The following COL25A1 variants were observed in gnomAD, a reference collection of about 807,000 sequenced individuals.
COL25A1 encodes collagen type XXV alpha 1 chain, also known as collagen alpha-1(XXV) chain.
In COL25A1, 103 loss-of-function variants were observed where a neutral mutation model predicts 128.4. The ratio of observed to expected loss-of-function variants is 0.80; its 90% CI spans 0.68 to 0.94. The LOEUF (loss-of-function observed/expected upper bound fraction) is 0.94, where lower values mean the gene tolerates loss of function less well. Among genes scored for constraint, COL25A1 ranks in the 40% least tolerant of loss-of-function variants. The probability of loss-of-function intolerance (pLI) is 0.00; values close to 1 mark genes in which losing one functional copy is unlikely to be tolerated. For synonymous variants in COL25A1, 279 were observed against 277.2 expected, an observed-to-expected ratio of 1.01 and a Z score of -0.06; for missense variants, 745 against 840.0, an observed-to-expected ratio of 0.89 and a Z score of 1.40.
intron 6 of COL25A1, among the ~76,000 whole-genome samples, chr4:108,994,931 A>C (rs904344444): frequency 1.3e-5 from 2 of 152,238 alleles, no homozygotes; most frequent in African/African-American, 2.4e-5. Flanking sequence ...CATCAACAAA[A>C]AGGACATCCA....
At chr4:108,882,723 T>C (rs1056918430) in intron 19 of COL25A1, among the ~76,000 whole-genome samples, 3 of 151,962 alleles carry the variant, frequency 2.0e-5, no homozygotes, top group Admixed American at 6.6e-5. Flanking sequence ...TGTCATAGAG[T>C]GTTACTTTTT....
At chr4:109,041,367 T>C (rs1320799002) in intron 5 of COL25A1, among the ~76,000 whole-genome samples, 2 of 126,228 alleles carry the variant, frequency 1.6e-5, no homozygotes, top group Non-Finnish European at 1.6e-5. Context: ...TGTCACCCCC[T>C]TTTTTAAAAA....
At position 109,117,356 on chromosome 4, in the gene COL25A1, A is replaced by G. The variant is rs185844269; in HGVS notation, c.368-67177T>C. ...TGTAAACGAGAAGAAAGTAGAGGGA[A>G]ATATTTAAAGTGTTGAGGGAAAAAG... On this transcript the variant is annotated intron_variant, in intron 3 of 37. Transcript: ENST00000399132. 2.0e-4 allele frequency among the ~76,000 whole-genome samples: 31 copies of G among 152,152 alleles called. 2 individuals carry two copies. The South Asian group carries it at 4.8e-3, about 23-fold the overall frequency.
intron 3 of COL25A1, among the ~76,000 whole-genome samples, chr4:109,068,336 C>A (rs558875722): frequency 6.6e-6 from 1 of 151,866 alleles, no homozygotes; most frequent in Non-Finnish European, 1.5e-5. Flanking sequence ...GTCTAAGGAC[C>A]TGGTGCACAT....
chr4:108,937,745 A>ACATTC, intron 11 of COL25A1, 63 bp downstream of exon 11: 2 of 1,354,840 alleles, frequency 1.5e-6, no homozygotes, highest in South Asian at 2.5e-5. Context: ...CATCACACAT[A>ACATTC]ATCTTGACCA....
chr4:108,945,928 G>A (rs1159860997), intron 8 of COL25A1, among the ~76,000 whole-genome samples: 1 of 152,160 alleles, frequency 6.6e-6, no homozygotes, highest in African/African-American at 2.4e-5. Flanking sequence ...GCCTCCCAAA[G>A]TGCTGGGATT....
intron 20 of COL25A1, among the ~76,000 whole-genome samples, chr4:108,865,613 A>G (rs1737808082): frequency 6.6e-6 from 1 of 152,200 alleles, no homozygotes; most frequent in African/African-American, 2.4e-5. Flanking sequence ...TTATTAAAAA[A>G]CTGTAAAGTA....
chr4:109,053,712 G>A (rs1194918348), intron 3 of COL25A1, among the ~76,000 whole-genome samples: 1 of 152,070 alleles, frequency 6.6e-6, no homozygotes, highest in South Asian at 2.1e-4. Context: ...TTTTTCACAA[G>A]GATGTTATTT....
rs201929872 is a variant in COL25A1, at chr4:108,913,261, CTT to C, written c.780+4909_780+4910del. On this transcript the variant is annotated intron_variant, in intron 13 of 37. Transcript: ENST00000399132. ...TTTGTGTGGTCTCTGTCTCTAGCTCCTTTTTTTTTTTTTTTTTTTTTTAAGAC... is the reference window on the plus strand; with the variant it reads ...TTTGTGTGGTCTCTGTCTCTAGCTCCTTTTTTTTTTTTTTTTTTTTAAGAC... 1.6e-4 allele frequency among the ~76,000 whole-genome samples: 15 copies of C among 92,408 alleles called. 1 individual carries two copies. The highest frequency in any genetic ancestry group is 7.0e-4 in the South Asian group (1 of 1,438). The allele number at this position is 92,408 out of a possible 152,430, so 60.6% of individuals were successfully genotyped here. A position where few individuals can be genotyped will look rare whatever the true frequency, so the allele number is the denominator to read the frequency against.
chr4:109,177,558 G>A (rs1160011188), intron 3 of COL25A1, among the ~76,000 whole-genome samples: 1 of 152,004 alleles, frequency 6.6e-6, no homozygotes, highest in East Asian at 1.9e-4. Flanking sequence ...AATACAGTGG[G>A]CACCATCTGC....
chr4:108,852,171 A>G, intron 26 of COL25A1, 65 bp downstream of exon 26: 3 of 1,220,090 alleles, frequency 2.5e-6, no homozygotes, highest in Non-Finnish European at 3.6e-6. Context: ...TCAAAGATGC[A>G]TATACTTAAT....
At chr4:109,243,026 C>T (rs1354473955) in intron 3 of COL25A1, among the ~76,000 whole-genome samples, 4 of 152,074 alleles carry the variant, frequency 2.6e-5, no homozygotes, top group African/African-American at 7.2e-5. Context: ...TACATATCTG[C>T]AACTTTATAC....
intron 13 of COL25A1, among the ~76,000 whole-genome samples, chr4:108,907,896 G>A (rs1366362823): frequency 6.6e-6 from 1 of 152,108 alleles, no homozygotes; most frequent in East Asian, 1.9e-4. Flanking sequence ...TGAACTTCCA[G>A]TTCTGACAAA....
At chr4:109,107,678 C>A (rs1201321654) in intron 3 of COL25A1, among the ~76,000 whole-genome samples, 4 of 152,270 alleles carry the variant, frequency 2.6e-5, no homozygotes, top group South Asian at 4.1e-4. Flanking sequence ...GAGATGCCAG[C>A]TCTTATTTAG....
At chr4:109,237,857 C>A (rs1779577472) in intron 3 of COL25A1, among the ~76,000 whole-genome samples, 1 of 151,980 alleles carries the variant, frequency 6.6e-6, no homozygotes, top group Non-Finnish European at 1.5e-5. Context: ...CCCTTGGCAA[C>A]CACTTTGTCT....
intron 3 of COL25A1, among the ~76,000 whole-genome samples, chr4:109,135,708 T>C (rs1485440050): frequency 6.6e-6 from 1 of 152,172 alleles, no homozygotes; most frequent in Non-Finnish European, 1.5e-5. Context: ...ACACATCTAC[T>C]TATTAAGTCA....
At chr4:108,852,800 G>GTA in intron 25 of COL25A1, 102 bp downstream of exon 25, 1 of 831,862 alleles carries the variant, frequency 1.2e-6, no homozygotes, top group Middle Eastern at 2.3e-4. Context: ...ATAAAATTAA[G>GTA]TATCAGATAA....
chr4:108,998,506 G>C (rs751085875), intron 6 of COL25A1, among the ~76,000 whole-genome samples: 1 of 152,146 alleles, frequency 6.6e-6, no homozygotes, highest in African/African-American at 2.4e-5. Flanking sequence ...CTCATGGATA[G>C]GAAGAATCAA....
At chr4:109,128,724 A>G (rs1310487607) in intron 3 of COL25A1, among the ~76,000 whole-genome samples, 1 of 152,184 alleles carries the variant, frequency 6.6e-6, no homozygotes, top group Non-Finnish European at 1.5e-5. Context: ...GGTATACTGG[A>G]AGAAACCTTG....
Sources: gnomAD v4.1 joint callset for allele counts (sites outside exome capture counted in the v4.1 genomes callset) on GRCh38, gnomAD v4.1.1 for gene constraint, MANE v1.5 for transcripts, NCBI Gene and HGNC (gene_info 2026-07-23, HGNC 2026-07-21) for gene names.